DAB1: variants seen among roughly 807,000 people sequenced by gnomAD.
DAB1 encodes the protein DAB adaptor protein 1.
Under a neutral mutation model 64.6 loss-of-function variants are expected in DAB1, and 15 were observed. That is an observed-to-expected ratio of 0.23 (90% CI 0.16 to 0.36). The LOEUF (loss-of-function observed/expected upper bound fraction) is 0.36, where lower values mean the gene tolerates loss of function less well. DAB1 is among the 10% of genes least tolerant of loss of function. The pLI is 1.00. For missense variants in DAB1, 596 were observed against 706.7 expected (o/e 0.84, Z 1.78); for synonymous variants, 235 against 251.9 (o/e 0.93, Z 0.64).
At chr1:58,361,322 G>A (rs1015733440) in intron 3 of DAB1, among the ~76,000 whole-genome samples, 1 of 152,194 alleles carries the variant, frequency 6.6e-6, no homozygotes, top group African/African-American at 2.4e-5. Context: ...GAGGTCTGGG[G>A]GTGTCCCCAC....
intron 1 of DAB1, among the ~76,000 whole-genome samples, chr1:57,835,319 T>C (rs1557507426): frequency 6.6e-6 from 1 of 152,182 alleles, no homozygotes; most frequent in Non-Finnish European, 1.5e-5. Flanking sequence ...AGCATCACTG[T>C]CAACTTTCAT....
chr1:57,940,571 T>A (rs1225526141), intron 5 of DAB1, among the ~76,000 whole-genome samples: 1 of 152,214 alleles, frequency 6.6e-6, no homozygotes, highest in Admixed American at 6.5e-5. Flanking sequence ...CAGCTGAAGA[T>A]CTTGTTAACA....
At chr1:57,919,366 G>C (rs762753570) in intron 5 of DAB1, among the ~76,000 whole-genome samples, 1 of 152,238 alleles carries the variant, frequency 6.6e-6, no homozygotes, top group South Asian at 2.1e-4. Context: ...GTTTACTGGA[G>C]CATGTAGACA....
At chr1:58,240,066 A>G (rs923122674) in intron 4 of DAB1, among the ~76,000 whole-genome samples, 2 of 152,190 alleles carry the variant, frequency 1.3e-5, no homozygotes, top group African/African-American at 4.8e-5. Context: ...CTTGCACTCC[A>G]TCTTACAAGC....
chr1:57,042,385 A>T (rs1199124168), intron 9 of DAB1, among the ~76,000 whole-genome samples: 2 of 152,152 alleles, frequency 1.3e-5, no homozygotes, highest in Non-Finnish European at 2.9e-5. Context: ...TCTGATCATG[A>T]TTTCTACTTT....
intron 3 of DAB1, among the ~76,000 whole-genome samples, chr1:58,348,798 G>A (rs1033024615): frequency 6.6e-6 from 1 of 152,158 alleles, no homozygotes; most frequent in Non-Finnish European, 1.5e-5. Context: ...AATAAATGAA[G>A]TCTTTGGCAT....
At chr1:57,362,070 A>C (rs1264799282) in intron 1 of DAB1, among the ~76,000 whole-genome samples, 2 of 152,168 alleles carry the variant, frequency 1.3e-5, no homozygotes, top group Non-Finnish European at 2.9e-5. Context: ...AATTATATAG[A>C]AGGACATGTC....
At chr1:57,716,852 C>A (rs1323142684) in intron 6 of DAB1, among the ~76,000 whole-genome samples, 2 of 152,050 alleles carry the variant, frequency 1.3e-5, no homozygotes, top group Non-Finnish European at 2.9e-5. Flanking sequence ...GGGGTTAATA[C>A]GTAGAATTTA....
chr1:58,186,646 ATAAC>A (rs1218996383), intron 4 of DAB1, among the ~76,000 whole-genome samples: 1 of 152,230 alleles, frequency 6.6e-6, no homozygotes, highest in East Asian at 1.9e-4. Context: ...ATAATGCTGA[ATAAC>A]AAACAACCCT....
intron 1 of DAB1, among the ~76,000 whole-genome samples, chr1:57,832,823 C>T (rs1652649105): frequency 6.6e-6 from 1 of 152,062 alleles, no homozygotes; most frequent in South Asian, 2.1e-4. Flanking sequence ...GGGAACAGGG[C>T]TCAGATGCCT....
chr1:58,189,580 C>T (rs1410040099), intron 4 of DAB1, among the ~76,000 whole-genome samples: 6 of 152,212 alleles, frequency 3.9e-5, no homozygotes, highest in African/African-American at 1.4e-4. Context: ...CAGCATCCCG[C>T]TAACAACCAG....
At chr1:57,896,636 C>T (rs1325072194) in intron 5 of DAB1, among the ~76,000 whole-genome samples, 1 of 151,412 alleles carries the variant, frequency 6.6e-6, no homozygotes, top group East Asian at 1.9e-4. Context: ...CTTAACATCT[C>T]TGGGCTTAAG....
At chr1:57,510,062 C>A (rs1175308289) in intron 7 of DAB1, among the ~76,000 whole-genome samples, 1 of 152,150 alleles carries the variant, frequency 6.6e-6, no homozygotes, top group East Asian at 1.9e-4. Context: ...ATATACCCAC[C>A]TTCATAATTC....
Position 58,225,799 on chromosome 1 carries a change from C to G in DAB1, n.310-75211G>C, listed in dbSNP as rs1370099278. ...ACACAGGAAGGGGAACATCACACAC[C>G]GGGCCTGTTGTGGGGTGGGGGGAGG... is the stretch of plus-strand genomic sequence containing the variant. On this transcript the variant is annotated intron_variant and non_coding_transcript_variant, in intron 4 of 20. Transcript: ENST00000485760. 3.7e-5 allele frequency among the ~76,000 whole-genome samples: 4 copies of G among 108,514 alleles called. No individual in the cohort carries two copies. The East Asian group carries it at 8.9e-4, about 24-fold the overall frequency. 71.2% of individuals were successfully genotyped at this position (108,514 alleles called of 152,430 possible). A position where few individuals can be genotyped will look rare whatever the true frequency, so the allele number is the denominator to read the frequency against.
Position 57,246,771 on chromosome 1 carries a change from T to C in DAB1, c.67+44193A>G, listed in dbSNP as rs370126463. ...CCAGGGGCAGAGCTGCCCAAGGCCA[T>C]AGGAGCCCACTCCTTGAATCAGTGT... On this transcript the variant is annotated intron_variant, in intron 2 of 14. Coordinates refer to ENST00000371236, the MANE Select transcript of DAB1 (RefSeq NM_001365792.1). 6.4e-4 allele frequency among the ~76,000 whole-genome samples: 97 copies of C among 152,340 alleles called. 1 individual carries two copies. The South Asian group carries it at 0.018, about 28-fold the overall frequency.
intron 7 of DAB1, among the ~76,000 whole-genome samples, chr1:57,436,806 A>G (rs1461481135): frequency 2.0e-5 from 3 of 152,094 alleles, no homozygotes; most frequent in African/African-American, 7.2e-5. Context: ...AGGCAGGCAG[A>G]TCATGAGGTC....
At chr1:57,296,874 G>T (rs577258339) in intron 1 of DAB1, among the ~76,000 whole-genome samples, 1 of 152,090 alleles carries the variant, frequency 6.6e-6, no homozygotes, top group South Asian at 2.1e-4. Context: ...TGCTAAGTCC[G>T]GGAAAAATTT....
At chr1:57,722,815 G>A (rs907437995) in intron 6 of DAB1, among the ~76,000 whole-genome samples, 1 of 152,166 alleles carries the variant, frequency 6.6e-6, no homozygotes, top group Non-Finnish European at 1.5e-5. Flanking sequence ...TGATGGGTTT[G>A]AGGCTACATT....
chr1:57,938,002 G>A (rs563548049), intron 5 of DAB1, among the ~76,000 whole-genome samples: 2 of 152,350 alleles, frequency 1.3e-5, no homozygotes, highest in African/African-American at 4.8e-5. Flanking sequence ...CCCTCATAGT[G>A]AGGCCAGCTG....
Sources: gnomAD v4.1 joint callset for allele counts (sites outside exome capture counted in the v4.1 genomes callset) on GRCh38, gnomAD v4.1.1 for gene constraint, MANE v1.5 for transcripts, NCBI Gene and HGNC (gene_info 2026-07-23, HGNC 2026-07-21) for gene names.